The following CACNA2D1 variants were observed in gnomAD, a reference collection of about 807,000 sequenced individuals.
CACNA2D1 encodes voltage-dependent calcium channel subunit alpha-2/delta-1.
Under a neutral mutation model 171.5 loss-of-function variants are expected in CACNA2D1, and 53 were observed. That is an observed-to-expected ratio of 0.31 (90% confidence interval 0.25 to 0.39). The LOEUF is 0.39. CACNA2D1 is among the 10% of genes least tolerant of loss of function. CACNA2D1 has a pLI of 1.00. For missense variants in CACNA2D1, 903 were observed against 1,299.8 expected (o/e 0.69, Z 4.69); for synonymous variants, 442 against 443.1 (o/e 1.00, Z 0.03).
Position 82,351,186 on chromosome 7 carries a change from A to C in CACNA2D1, c.96-1537T>G, listed in dbSNP as rs561052185. Among the ~76,000 whole-genome samples the C allele has an allele frequency of 6.6e-5, 10 of 152,206 alleles. No homozygotes were observed. The South Asian group carries it at 2.1e-3, about 32-fold the overall frequency. Reference sequence around the variant, plus strand: ...CTCTACATATCTATATATAATTTCAATAATGGAGATTTAACTGTGTATGTC... The same window carrying C: ...CTCTACATATCTATATATAATTTCACTAATGGAGATTTAACTGTGTATGTC... On this transcript the variant is annotated intron_variant, in intron 1 of 38. Transcript: ENST00000356860.
intron 3 of CACNA2D1, among the ~76,000 whole-genome samples, chr7:82,185,227 G>T (rs927598774): frequency 4.6e-5 from 7 of 151,504 alleles, no homozygotes; most frequent in African/African-American, 7.3e-5. Context: ...TATTTAATTT[G>T]TATTCATTTT....
In CACNA2D1 at chr7:82,066,541, A is replaced by AG. The variant is rs1554387291; in HGVS notation, c.659-18_659-17insC. 1.5e-3 allele frequency: 2,359 copies of AG among 1,563,460 alleles called. 11 individuals are homozygous for AG. The African/African-American group carries it at 0.019, about 13-fold the overall frequency. The stretch of plus-strand genomic sequence containing the variant: ...ATGGTGAAGCTAAAAAAAAAAAAAA[A>AG]AGAGAGATATTAAATCAAAATATTA... On this transcript the variant is annotated splice_polypyrimidine_tract_variant and intron_variant, in intron 7 of 38. Transcript: ENST00000356860.
At chr7:82,419,035 G>A (rs1429280027) in intron 1 of CACNA2D1, among the ~76,000 whole-genome samples, 4 of 151,496 alleles carry the variant, frequency 2.6e-5, no homozygotes, top group Non-Finnish European at 5.9e-5. Flanking sequence ...GCGTGAACCC[G>A]AGAGGCGGAG....
chr7:82,134,591 A>C (rs1049594421), intron 5 of CACNA2D1, among the ~76,000 whole-genome samples: 2 of 152,208 alleles, frequency 1.3e-5, no homozygotes, highest in South Asian at 4.1e-4. Flanking sequence ...ACTATTTATA[A>C]GGCTTTAATT....
chr7:82,155,932 A>C (rs974619563), intron 4 of CACNA2D1, among the ~76,000 whole-genome samples: 1 of 152,184 alleles, frequency 6.6e-6, no homozygotes, highest in African/African-American at 2.4e-5. Flanking sequence ...CATACTAGTC[A>C]ATGTATTCAC....
intron 9 of CACNA2D1, 34 bp from the exon 10 acceptor site, chr7:82,060,561 T>C: frequency 1.7e-6 from 2 of 1,189,332 alleles, no homozygotes. Flanking sequence ...TACATGTTAC[T>C]CATCATGTAT....
chr7:82,057,112 C>A (rs771223079), intron 10 of CACNA2D1, among the ~76,000 whole-genome samples: 4 of 152,086 alleles, frequency 2.6e-5, no homozygotes, highest in Non-Finnish European at 5.9e-5. Flanking sequence ...GTGCTGAAGC[C>A]AGCTTGTAAC....
At chr7:81,973,438 T>G (rs1481283010) in intron 25 of CACNA2D1, among the ~76,000 whole-genome samples, 1 of 152,076 alleles carries the variant, frequency 6.6e-6, no homozygotes, top group East Asian at 1.9e-4. Context: ...AAGTTATTTC[T>G]TCTCATATGC....
intron 7 of CACNA2D1, among the ~76,000 whole-genome samples, chr7:82,080,391 C>T (rs2129005261): frequency 6.6e-6 from 1 of 152,060 alleles, no homozygotes; most frequent in East Asian, 1.9e-4. Context: ...TTATAAAATT[C>T]TATATATCTG....
At chr7:82,284,133 C>T (rs1188153341) in intron 3 of CACNA2D1, among the ~76,000 whole-genome samples, 2 of 149,624 alleles carry the variant, frequency 1.3e-5, no homozygotes, top group Non-Finnish European at 3.0e-5. Context: ...GGTGGAGGCT[C>T]TACTGTGCTA....
At chr7:82,250,143 A>C (rs1164251864) in intron 3 of CACNA2D1, among the ~76,000 whole-genome samples, 1 of 152,194 alleles carries the variant, frequency 6.6e-6, no homozygotes, top group African/African-American at 2.4e-5. Flanking sequence ...TGAGACATTG[A>C]CATTAATCCA....
intron 1 of CACNA2D1, among the ~76,000 whole-genome samples, chr7:82,354,054 G>A (rs895927315): frequency 3.9e-5 from 6 of 151,992 alleles, no homozygotes; most frequent in African/African-American, 1.4e-4. Context: ...CTCATGTGGC[G>A]AGTGTCCTGC....
At chr7:82,391,036 A>AG (rs1825062995) in intron 1 of CACNA2D1, among the ~76,000 whole-genome samples, 1 of 152,084 alleles carries the variant, frequency 6.6e-6, no homozygotes, top group South Asian at 2.1e-4. Flanking sequence ...GCAGAAAAAA[A>AG]GGCCAAAACT....
intron 4 of CACNA2D1, among the ~76,000 whole-genome samples, chr7:82,160,487 T>C (rs1304066198): frequency 1.3e-5 from 2 of 152,104 alleles, no homozygotes; most frequent in African/African-American, 4.8e-5. Flanking sequence ...CAAACCTTAA[T>C]GTAAAAGTAA....
chr7:82,060,179 ATATATAT>A (rs1806538719), intron 10 of CACNA2D1, among the ~76,000 whole-genome samples: 1 of 23,346 alleles, frequency 4.3e-5, no homozygotes, highest in Non-Finnish European at 6.5e-5. Context: ...TATATATATA[ATATATAT>A]ATATTATATA....
At chr7:82,266,233 T>G (rs574292632) in intron 3 of CACNA2D1, among the ~76,000 whole-genome samples, 4 of 152,276 alleles carry the variant, frequency 2.6e-5, no homozygotes, top group South Asian at 2.1e-4. Flanking sequence ...AAATCTAGGT[T>G]TTGATTTAAG....
At chr7:82,231,206 G>A (rs1461550299) in intron 3 of CACNA2D1, among the ~76,000 whole-genome samples, 1 of 152,176 alleles carries the variant, frequency 6.6e-6, no homozygotes, top group East Asian at 1.9e-4. Context: ...TGAACCAAAA[G>A]AGAAAAGAAA....
intron 6 of CACNA2D1, among the ~76,000 whole-genome samples, chr7:82,090,709 TAAAC>T (rs974210467): frequency 4.6e-5 from 7 of 152,124 alleles, no homozygotes; most frequent in Admixed American, 1.3e-4. Flanking sequence ...TACTATTCCT[TAAAC>T]AAGCAAGCAA....
intron 3 of CACNA2D1, among the ~76,000 whole-genome samples, chr7:82,200,796 C>A (rs1244445469): frequency 1.3e-5 from 2 of 152,042 alleles, no homozygotes; most frequent in South Asian, 4.1e-4. Context: ...ATGTGTGAAA[C>A]CATAGAGTGA....
Sources: gnomAD v4.1 joint callset for allele counts (sites outside exome capture counted in the v4.1 genomes callset) on GRCh38, gnomAD v4.1.1 for gene constraint, MANE v1.5 for transcripts, NCBI Gene and HGNC (gene_info 2026-07-23, HGNC 2026-07-21) for gene names.